EXOC5: variants seen among roughly 807,000 people sequenced by gnomAD.
The protein encoded by EXOC5 is SEC10-like 1.
EXOC5 carries 17 observed loss-of-function variants against 90.8 expected under a neutral mutation model. That is an observed-to-expected ratio of 0.19 (90% CI 0.13 to 0.28). The LOEUF (loss-of-function observed/expected upper bound fraction) is 0.28. Ranked by LOEUF, EXOC5 falls within the 10% of genes least tolerant of loss-of-function variation. The pLI is 1.00. For missense variants in EXOC5, 569 were observed against 830.6 expected (o/e 0.69, Z 3.87); for synonymous variants, 260 against 270.0 (o/e 0.96, Z 0.36).
At chr14:57,234,068 C>G in intron 7 of EXOC5, 36 bp from the exon 8 acceptor site, 1 of 1,400,692 alleles carries the variant, frequency 7.1e-7, no homozygotes, top group Non-Finnish European at 1.0e-6. Context: ...TATTCTGATT[C>G]AATTATAATA....
Position 57,229,770 on chromosome 14 carries a change from T to C in EXOC5, c.1260A>G (p.Leu420=). The C allele has an allele frequency of 6.6e-7, 1 of 1,525,024 alleles. No individual in the cohort carries two copies. Among genetic ancestry groups the C allele is most frequent in the Non-Finnish European group, 8.9e-7 (1 of 1,129,636 alleles). The allele number at this position is 1,525,024 out of a possible 1,614,324, so 94.5% of individuals were successfully genotyped here. A position where few individuals can be genotyped will look rare whatever the true frequency, so the allele number is the denominator to read the frequency against. Residue 420 remains leucine (L), a synonymous_variant, in exon 12 of 18, where the codon TTA becomes TTG. Coordinates refer to ENST00000621441, the MANE Select transcript of EXOC5 (RefSeq NM_006544.4). ...TTTCAAAGGCTTGTTTGGTTTCTTG[T>C]AAAAGATTAACCACCACTTCTTGGG... ...FLSQEVVVNL[L]QETKQAFERC... is the part of the protein sequence containing the mutation.
intron 15 of EXOC5, among the ~76,000 whole-genome samples, chr14:57,214,577 G>A (rs529574866): frequency 3.3e-5 from 5 of 152,108 alleles, no homozygotes; most frequent in East Asian, 1.9e-4. Flanking sequence ...ATGGATAAGC[G>A]GTACTAAAGA....
chr14:57,255,083 T>A (rs750848215), intron 1 of EXOC5, among the ~76,000 whole-genome samples: 1 of 151,920 alleles, frequency 6.6e-6, no homozygotes, highest in Non-Finnish European at 1.5e-5. Flanking sequence ...GTAGAAAAAA[T>A]GACTTTGCTT....
At position 57,202,358 on chromosome 14, in the gene EXOC5, T is replaced by G. The variant is rs543425130; in HGVS notation, c.*6251A>C. ...AAATGATTGGTGTCTGAGGATTAGA[T>G]AGTAGTAATATGTCAATGTTAACTT... On this transcript the variant is annotated 3_prime_UTR_variant, in exon 18 of 18. Coordinates refer to ENST00000621441, the MANE Select transcript of EXOC5 (RefSeq NM_006544.4). 6.6e-6 allele frequency: 1 copy of G among 152,200 alleles called. No individual in the cohort carries two copies. The highest frequency in any genetic ancestry group is 2.1e-4 in the South Asian group (1 of 4,834). 9.4% of individuals were successfully genotyped at this position (152,200 alleles called of 1,614,324 possible).
rs192679691 is a variant in EXOC5, at chr14:57,264,134, G to A, written c.27+4488C>T. Among the ~76,000 whole-genome samples, 258 of 152,200 alleles carry A rather than the reference G, an allele frequency of 1.7e-3. 2 individuals are homozygous for A. The highest frequency in any genetic ancestry group is 0.01 in the Middle Eastern group (3 of 294). ...TGTCTGGCCTACAGATTCATTCAAC[G>A]TTTGCAGAATGAATACATTCTATCA... is the stretch of plus-strand genomic sequence containing the variant. On this transcript the variant is annotated intron_variant, in intron 1 of 17. Transcript: ENST00000621441.
intron 15 of EXOC5, among the ~76,000 whole-genome samples, chr14:57,215,551 TGAA>T (rs1882948498): frequency 6.6e-6 from 1 of 151,560 alleles, no homozygotes; most frequent in African/African-American, 2.4e-5. Context: ...ATTAACAGAA[TGAA>T]GGATAAAAAT....
In EXOC5 at chr14:57,231,829, T is replaced by C. The variant is rs543210916; in HGVS notation, c.939-114A>G. On this transcript the variant is annotated intron_variant, in intron 10 of 17. Transcript: ENST00000621441. ...TTCATGACTTATGTTAAGCCACCAT[T>C]TCTTAAACTCTGGGAGAGTACTTAT... 6.0e-6 allele frequency: 4 copies of C among 669,028 alleles called. No individual in the cohort carries two copies. The East Asian group carries it at 1.1e-4, about 18-fold the overall frequency. 41.4% of individuals were successfully genotyped at this position (669,028 alleles called of 1,614,324 possible).
intron 1 of EXOC5, among the ~76,000 whole-genome samples, chr14:57,266,305 T>C (rs6573142): frequency 0.57 from 86,981 of 151,930 alleles, 27,686 homozygotes; most frequent in African/African-American, 0.86. Context: ...ATGGCAGTAG[T>C]TACAGGAAAC....
At chr14:57,267,237 T>C (rs1326765606) in intron 1 of EXOC5, among the ~76,000 whole-genome samples, 1 of 152,206 alleles carries the variant, frequency 6.6e-6, no homozygotes, top group Admixed American at 6.5e-5. Flanking sequence ...GTAGCATATC[T>C]CCCAACACTT....
intron 1 of EXOC5, among the ~76,000 whole-genome samples, chr14:57,249,257 T>C (rs546684956): frequency 1.2e-4 from 18 of 152,146 alleles, no homozygotes; most frequent in Non-Finnish European, 1.9e-4. Flanking sequence ...CTTTCAAAAA[T>C]CTACAGTACT....
Position 57,229,766 on chromosome 14 carries a change from C to T in EXOC5, c.1264G>A (p.Glu422Lys), listed in dbSNP as rs548870213. Residue 422 changes from glutamate to lysine, a missense_variant, in exon 12 of 18, where the codon GAA becomes AAA. Physicochemically the swap from Glu to Lys is moderately conservative, Grantham distance 56. Around this residue, in one of 9 missense-constraint regions of EXOC5, gnomAD observed 69 missense variants for 115.5 expected, o/e 0.60. Transcript: ENST00000621441. ...CATCTTTCAAAGGCTTGTTTGGTTT[C>T]TTGTAAAAGATTAACCACCACTTCT... ...SQEVVVNLLQ[E>K]TKQAFERCHR... 5 of 1,524,478 alleles carry T rather than the reference C, an allele frequency of 3.3e-6. No individual in the cohort carries two copies. Among genetic ancestry groups the T allele is most frequent in the Admixed American group, 2.0e-5 (1 of 50,648 alleles). 94.4% of individuals were successfully genotyped at this position (1,524,478 alleles called of 1,614,324 possible). A position where few individuals can be genotyped will look rare whatever the true frequency, so the allele number is the denominator to read the frequency against.
chr14:57,221,064 G>C (rs1374376401), intron 13 of EXOC5, among the ~76,000 whole-genome samples: 2 of 152,140 alleles, frequency 1.3e-5, no homozygotes, highest in Admixed American at 6.5e-5. Flanking sequence ...TTAATGCAAT[G>C]AGAAGATAAT....
intron 6 of EXOC5, among the ~76,000 whole-genome samples, chr14:57,236,532 C>T (rs1030356098): frequency 7.2e-5 from 11 of 151,918 alleles, no homozygotes; most frequent in African/African-American, 2.4e-4. Flanking sequence ...GTGATCCACC[C>T]GCCTCGGCCT....
chr14:57,221,019 A>G (rs960797390), intron 13 of EXOC5, among the ~76,000 whole-genome samples: 5 of 152,210 alleles, frequency 3.3e-5, no homozygotes, highest in Non-Finnish European at 1.5e-5. Flanking sequence ...ACATTAACAG[A>G]TAAAAATTTC....
In EXOC5 at chr14:57,205,857, C is replaced by T. The variant is rs1882634883; in HGVS notation, c.*2752G>A. 8.8e-6 allele frequency: 4 copies of T among 455,430 alleles called. No individual in the cohort carries two copies. Among genetic ancestry groups the T allele is most frequent in the Middle Eastern group, 3.2e-4 (1 of 3,088 alleles). The allele number at this position is 455,430 out of a possible 1,614,324, so 28.2% of individuals were successfully genotyped here. A position where few individuals can be genotyped will look rare whatever the true frequency, so the allele number is the denominator to read the frequency against. The stretch of plus-strand genomic sequence containing the variant: ...AAACAAGGAAGATCCTAAGGACTTG[C>T]AACTATGGCAATCCTCAAAATGGGA... On this transcript the variant is annotated 3_prime_UTR_variant, in exon 18 of 18. Coordinates refer to ENST00000621441, the MANE Select transcript of EXOC5 (RefSeq NM_006544.4).
intron 12 of EXOC5, among the ~76,000 whole-genome samples, chr14:57,226,659 A>C (rs1323038574): frequency 1.1e-4 from 17 of 152,222 alleles, no homozygotes; most frequent in Non-Finnish European, 1.3e-4. Flanking sequence ...CCAATGGAAC[A>C]CAAGAGTCCA....
At chr14:57,225,201 G>GA (rs1190962228) in intron 12 of EXOC5, among the ~76,000 whole-genome samples, 14 of 152,248 alleles carry the variant, frequency 9.2e-5, no homozygotes, top group African/African-American at 3.4e-4. Flanking sequence ...TATCAAAGAA[G>GA]AAATGCAAGG....
chr14:57,244,600 A>C lies in EXOC5; in HGVS notation c.271-241T>G, dbSNP rs79014622. On this transcript the variant is annotated intron_variant, in intron 3 of 17. Transcript: ENST00000621441. ...ATTAATCAACAAAAAAGCAAACAAA[A>C]AAAGCTGTTTACTCCTCATCCTGTT... Among the ~76,000 whole-genome samples the C allele has an allele frequency of 3.5e-3, 533 of 152,300 alleles. 1 individual carries two copies. The highest frequency in any genetic ancestry group is 0.01 in the Middle Eastern group (3 of 294).
chr14:57,220,637 A>G (rs894765129), intron 13 of EXOC5, among the ~76,000 whole-genome samples: 4 of 147,902 alleles, frequency 2.7e-5, no homozygotes, highest in African/African-American at 9.7e-5. Context: ...CCAACTCTAC[A>G]AAAAAAGAAA....
Sources: allele counts gnomAD v4.1 joint callset (sites outside exome capture counted in the v4.1 genomes callset), GRCh38; gene constraint gnomAD v4.1.1; regional missense constraint gnomAD v4.1.1; transcripts MANE v1.5; gene names NCBI Gene and HGNC (gene_info 2026-07-23, HGNC 2026-07-21).